The following CSMD1 variants were observed in gnomAD, a reference collection of about 807,000 sequenced individuals.
CSMD1 encodes CUB and Sushi multiple domains 1.
Under a neutral mutation model 417.5 loss-of-function variants are expected in CSMD1, and 213 were observed. The observed-to-expected ratio is 0.51, with a 90% CI of 0.46 to 0.57. CSMD1 has a LOEUF of 0.57. Ranked by LOEUF, CSMD1 falls within the 20% of genes least tolerant of loss-of-function variation. The probability of loss-of-function intolerance (pLI) is 0.00; values close to 1 mark genes in which losing one functional copy is unlikely to be tolerated. For missense variants in CSMD1, 6,923 were observed against 4,529.7 expected (o/e 1.53, Z -15.17); for synonymous variants, 2,862 against 1,736.8 (o/e 1.65, Z -16.11).
At chr8:3,917,131 A>C (rs1020111346) in intron 5 of CSMD1, among the ~76,000 whole-genome samples, 1 of 152,202 alleles carries the variant, frequency 6.6e-6, no homozygotes, top group Non-Finnish European at 1.5e-5. Context: ...ATAGTCTAAG[A>C]GAATGAGTGC....
At chr8:3,888,170 T>G (rs1222520420) in intron 5 of CSMD1, among the ~76,000 whole-genome samples, 1 of 152,168 alleles carries the variant, frequency 6.6e-6, no homozygotes, top group East Asian at 1.9e-4. Context: ...CGTCATCCCA[T>G]AAAAATTATA....
At chr8:4,277,797 G>C (rs537958864) in intron 3 of CSMD1, among the ~76,000 whole-genome samples, 1 of 152,138 alleles carries the variant, frequency 6.6e-6, no homozygotes, top group African/African-American at 2.4e-5. Context: ...GCCCAGGCTG[G>C]AGTGCAGTCG....
intron 3 of CSMD1, among the ~76,000 whole-genome samples, chr8:4,224,878 G>A (rs1385643426): frequency 6.9e-6 from 1 of 145,598 alleles, no homozygotes; most frequent in African/African-American, 2.6e-5. Flanking sequence ...GGGATACCAA[G>A]GCAGGTGGAT....
intron 3 of CSMD1, among the ~76,000 whole-genome samples, chr8:4,125,690 G>T (rs531908992): frequency 1.1e-3 from 175 of 152,238 alleles, no homozygotes; most frequent in African/African-American, 3.9e-3. Context: ...GTTCATTCCT[G>T]GGCATAGGCT....
At chr8:3,265,786 T>G (rs1235225832) in intron 26 of CSMD1, among the ~76,000 whole-genome samples, 2 of 152,100 alleles carry the variant, frequency 1.3e-5, no homozygotes, top group African/African-American at 4.8e-5. Flanking sequence ...TTGATGCAGT[T>G]GCACCCTCCA....
In CSMD1 at chr8:3,394,300, TATA is replaced by T. The variant is rs1431835439; in HGVS notation, c.2593+1891_2593+1893del. Among the ~76,000 whole-genome samples the T allele has an allele frequency of 2.0e-5, 3 of 148,446 alleles. No homozygotes were observed. The East Asian group carries it at 5.9e-4, about 29-fold the overall frequency. Reference sequence around the variant, plus strand: ...TTTTATAATAATAAAATATTATTATTATAATATTAGTGAGGATGACAAGCTAAA... The same window carrying T: ...TTTTATAATAATAAAATATTATTATTATATTAGTGAGGATGACAAGCTAAA... On this transcript the variant is annotated intron_variant, in intron 17 of 69. Coordinates refer to ENST00000635120, the MANE Select transcript of CSMD1 (RefSeq NM_033225.6).
intron 42 of CSMD1, among the ~76,000 whole-genome samples, chr8:3,114,557 C>T (rs1394972339): frequency 6.6e-6 from 1 of 151,746 alleles, no homozygotes; most frequent in African/African-American, 2.4e-5. Flanking sequence ...CATCATTTTT[C>T]TTCCTTCTGT....
intron 50 of CSMD1, among the ~76,000 whole-genome samples, chr8:3,037,257 G>A (rs1325204506): frequency 6.6e-5 from 10 of 150,882 alleles, no homozygotes; most frequent in East Asian, 3.9e-4. Context: ...CCAGGCTGGA[G>A]TGCAGTGGCG....
At chr8:4,578,738 T>C (rs979520922) in intron 2 of CSMD1, among the ~76,000 whole-genome samples, 5 of 141,678 alleles carry the variant, frequency 3.5e-5, no homozygotes, top group Non-Finnish European at 7.5e-5. Flanking sequence ...TGCTTGAACC[T>C]GGGAGGGGGA....
At chr8:4,550,679 A>G (rs998875500) in intron 2 of CSMD1, among the ~76,000 whole-genome samples, 3 of 152,184 alleles carry the variant, frequency 2.0e-5, no homozygotes, top group African/African-American at 7.2e-5. Flanking sequence ...GGTGACAAAT[A>G]TACTCTCCTA....
chr8:3,738,795 C>A (rs1387821210), intron 6 of CSMD1, among the ~76,000 whole-genome samples: 1 of 152,226 alleles, frequency 6.6e-6, no homozygotes, highest in East Asian at 1.9e-4. Flanking sequence ...GTGCACTATA[C>A]AGATAGGCTC....
intron 39 of CSMD1, among the ~76,000 whole-genome samples, chr8:3,154,016 G>C (rs973971524): frequency 2.6e-5 from 4 of 152,136 alleles, no homozygotes; most frequent in African/African-American, 9.7e-5. Flanking sequence ...ACCCAGGCTG[G>C]ACTGCAGTGG....
At chr8:4,727,161 C>T (rs776400053) in intron 1 of CSMD1, among the ~76,000 whole-genome samples, 1 of 152,110 alleles carries the variant, frequency 6.6e-6, no homozygotes, top group Non-Finnish European at 1.5e-5. Flanking sequence ...TCTCAATCCA[C>T]CGTAGGCCAG....
chr8:3,398,261 C>T lies in CSMD1; in HGVS notation c.2405+1130G>A, dbSNP rs564974915. Among the ~76,000 whole-genome samples the T allele has an allele frequency of 4.3e-4, 66 of 152,226 alleles. 1 individual carries two copies. The South Asian group carries it at 7.5e-3, about 17-fold the overall frequency. ...GTGGAGAAATTAGTAAGAAACCCAA[C>T]GTAATCAACTGAATACTTACAGAGT... On this transcript the variant is annotated intron_variant, in intron 16 of 69. Coordinates refer to ENST00000635120, the MANE Select transcript of CSMD1 (RefSeq NM_033225.6).
At chr8:4,597,161 G>C (rs1360507024) in intron 2 of CSMD1, among the ~76,000 whole-genome samples, 1 of 151,706 alleles carries the variant, frequency 6.6e-6, no homozygotes, top group Non-Finnish European at 1.5e-5. Flanking sequence ...CCTCTCCTCA[G>C]TCAAAACTTT....
intron 7 of CSMD1, among the ~76,000 whole-genome samples, chr8:3,623,797 G>C (rs1430641467): frequency 6.6e-6 from 1 of 152,008 alleles, no homozygotes; most frequent in Admixed American, 6.6e-5. Flanking sequence ...ACAACATGGA[G>C]AAACCCTGTC....
chr8:4,729,959 C>T (rs1809735747), intron 1 of CSMD1, among the ~76,000 whole-genome samples: 1 of 152,160 alleles, frequency 6.6e-6, no homozygotes, highest in Admixed American at 6.5e-5. Flanking sequence ...CACACTGCAG[C>T]CTAAACACGG....
In CSMD1 at chr8:4,305,847, A is replaced by G. The variant is rs185145426; in HGVS notation, c.415+114106T>C. Among the ~76,000 whole-genome samples, 7 of 152,282 alleles carry G rather than the reference A, an allele frequency of 4.6e-5. No homozygotes were observed. In the East Asian group the frequency reaches 7.7e-4, roughly 17 times the overall value. ...TCATACTGTAACTTGCCGATCTTGTATGGATCCCCTTCCAGTCTTTGCTTA... is the reference window on the plus strand; with the variant it reads ...TCATACTGTAACTTGCCGATCTTGTGTGGATCCCCTTCCAGTCTTTGCTTA... On this transcript the variant is annotated intron_variant, in intron 3 of 69. Transcript: ENST00000635120.
chr8:4,038,786 T>C (rs1024132445), intron 3 of CSMD1, among the ~76,000 whole-genome samples: 2 of 152,234 alleles, frequency 1.3e-5, no homozygotes, highest in African/African-American at 4.8e-5. Flanking sequence ...GAAAGAGCTC[T>C]GGGCACAGTT....
Sources: gnomAD v4.1 joint callset for allele counts (sites outside exome capture counted in the v4.1 genomes callset) on GRCh38, gnomAD v4.1.1 for gene constraint, MANE v1.5 for transcripts, NCBI Gene and HGNC (gene_info 2026-07-23, HGNC 2026-07-21) for gene names.